The following SKI variants were observed in gnomAD, a reference collection of about 807,000 sequenced individuals.
SKI encodes the protein SKI proto-oncogene.
In SKI, 23 loss-of-function variants were observed where a neutral mutation model predicts 59.3. The observed-to-expected ratio is 0.39, with a 90% CI of 0.28 to 0.55. The LOEUF (loss-of-function observed/expected upper bound fraction) is 0.55, where lower values mean the gene tolerates loss of function less well. Ranked by LOEUF, SKI falls within the 20% of genes least tolerant of loss-of-function variation. The probability of loss-of-function intolerance (pLI) is 0.67; values close to 1 mark genes in which losing one functional copy is unlikely to be tolerated. For missense variants in SKI, 1,017 were observed against 1,038.9 expected (o/e 0.98, Z 0.29); for synonymous variants, 673 against 488.6 (o/e 1.38, Z -4.98).
rs1438842119 is a variant in SKI at position 2,228,476 on chromosome 1, G to C, written c.-291G>C. ...ATGCCCCGCGCCTAGAGCCCGGGGGGCGCGCGGGGGACGCGCGGGGGGCCC... is the reference window on the plus strand; with the variant it reads ...ATGCCCCGCGCCTAGAGCCCGGGGGCCGCGCGGGGGACGCGCGGGGGGCCC... On this transcript the variant is annotated 5_prime_UTR_variant, in exon 1 of 7. Coordinates refer to ENST00000378536, the MANE Select transcript of SKI (RefSeq NM_003036.4). Among the ~76,000 whole-genome samples the C allele has an allele frequency of 7.0e-6, 1 of 142,720 alleles. No individual in the cohort carries two copies. Among genetic ancestry groups the C allele is most frequent in the African/African-American group, 2.5e-5 (1 of 39,842 alleles). 93.6% of individuals were successfully genotyped at this position (142,720 alleles called of 152,430 possible).
intron 1 of SKI, among the ~76,000 whole-genome samples, chr1:2,230,987 G>A (rs1638623757): frequency 6.6e-6 from 1 of 152,130 alleles, no homozygotes; most frequent in Middle Eastern, 3.2e-3. Context: ...GTGTGTGTTT[G>A]TGTGTGCGCG....
At position 2,257,984 on chromosome 1, in the gene SKI, C is replaced by T. The variant is rs183179681; in HGVS notation, c.969+28249C>T. ...AACTCCCGACCTCAGGTGATCTGCCCGCCTCAGCCTCCCAAAGTGCTGGGA... is the reference window on the plus strand; with the variant it reads ...AACTCCCGACCTCAGGTGATCTGCCTGCCTCAGCCTCCCAAAGTGCTGGGA... On this transcript the variant is annotated intron_variant, in intron 1 of 6. Transcript: ENST00000378536. 1.6e-3 allele frequency among the ~76,000 whole-genome samples: 244 copies of T among 152,214 alleles called. 1 individual carries two copies. Among genetic ancestry groups the T allele is most frequent in the East Asian group, 9.3e-3 (48 of 5,174 alleles).
At chr1:2,243,682 T>G (rs933527015) in intron 1 of SKI, among the ~76,000 whole-genome samples, 2 of 152,214 alleles carry the variant, frequency 1.3e-5, no homozygotes, top group African/African-American at 4.8e-5. Context: ...GTCATCGGTC[T>G]TGTTGGCTGT....
chr1:2,264,687 C>T lies in SKI; in HGVS notation c.969+34952C>T, dbSNP rs1049315844. The stretch of plus-strand genomic sequence containing the variant: ...AGTGCTGAGATTACACAGGCATGAG[C>T]CACCGTGCCTGGCCCCAATTTTCAG... On this transcript the variant is annotated intron_variant, in intron 1 of 6. Transcript: ENST00000378536. Among the ~76,000 whole-genome samples, 4 of 152,160 alleles carry T rather than the reference C, an allele frequency of 2.6e-5. No homozygotes were observed. In the East Asian group the frequency reaches 7.7e-4, roughly 29 times the overall value.
chr1:2,243,719 C>G (rs773801108), intron 1 of SKI, among the ~76,000 whole-genome samples: 1 of 152,124 alleles, frequency 6.6e-6, no homozygotes, highest in Non-Finnish European at 1.5e-5. Context: ...GCATGGGATG[C>G]TAGGGGTGTG....
Position 2,228,874 on chromosome 1 carries a change from C to A in SKI, c.108C>A (p.Ala36=). Residue 36 remains alanine, a synonymous_variant, in exon 1 of 7, where the codon GCC becomes GCA. Transcript: ENST00000378536. ...LSSMSSLGGP[A]AFSARWAQEA... ...CCATGAGCTCGCTGGGCGGCCCGGC[C>A]GCTTTCTCGGCGCGCTGGGCGCAGG... 7.0e-7 allele frequency: 1 copy of A among 1,430,506 alleles called. No individual in the cohort carries two copies. The highest frequency in any genetic ancestry group is 1.3e-5 in the South Asian group (1 of 77,022). 88.6% of individuals were successfully genotyped at this position (1,430,506 alleles called of 1,614,324 possible). A position where few individuals can be genotyped will look rare whatever the true frequency, so the allele number is the denominator to read the frequency against.
chr1:2,285,198 G>GATCC (rs931145147), intron 1 of SKI, among the ~76,000 whole-genome samples: 2 of 152,068 alleles, frequency 1.3e-5, no homozygotes, highest in Admixed American at 1.3e-4. Context: ...CATGCATTTG[G>GATCC]AAGGTGTTAA....
intron 6 of SKI, 104 bp from the exon 7 acceptor site, chr1:2,306,473 T>A (rs1415996365): frequency 1.6e-6 from 2 of 1,252,408 alleles, no homozygotes; most frequent in African/African-American, 1.5e-5. Context: ...CACGCGGCAC[T>A]GGGGAGGGAC....
At chr1:2,273,136 G>C (rs930119242) in intron 1 of SKI, among the ~76,000 whole-genome samples, 1 of 152,350 alleles carries the variant, frequency 6.6e-6, no homozygotes, top group East Asian at 1.9e-4. Context: ...GACCAAGGGG[G>C]TGTTTTCGGC....
Position 2,309,075 on chromosome 1 carries a change from G to A in SKI, c.*2310G>A, listed in dbSNP as rs1640676702. 6.6e-6 allele frequency: 1 copy of A among 152,310 alleles called. No homozygotes were observed. Among genetic ancestry groups the A allele is most frequent in the Admixed American group, 6.5e-5 (1 of 15,280 alleles). The allele number at this position is 152,310 out of a possible 1,614,324, so 9.4% of individuals were successfully genotyped here. A position where few individuals can be genotyped will look rare whatever the true frequency, so the allele number is the denominator to read the frequency against. Reference sequence around the variant, plus strand: ...CTCCCAGGCAGTTCCCACAGCTCTTGCCTCGGCTCACCAGGGTCACTTCCA... The same window carrying A: ...CTCCCAGGCAGTTCCCACAGCTCTTACCTCGGCTCACCAGGGTCACTTCCA... On this transcript the variant is annotated 3_prime_UTR_variant, in exon 7 of 7. Transcript: ENST00000378536.
chr1:2,290,605 G>A (rs1015933257), intron 1 of SKI, among the ~76,000 whole-genome samples: 9 of 152,180 alleles, frequency 5.9e-5, no homozygotes, highest in African/African-American at 1.2e-4. Flanking sequence ...GTGCGCTGCC[G>A]TGTGTCTGGG....
rs916432666 is a variant in SKI, at chr1:2,270,588, C to T, written c.970-32390C>T. ...GGAAACAAGCTGCCGGCTGAGGAGG[C>T]CGCACTCCCCGTGCCTCCCGGGCAG... On this transcript the variant is annotated intron_variant, in intron 1 of 6. Transcript: ENST00000378536. The surrounding 1 kb of genome is among the most constrained non-coding windows in gnomAD (Gnocchi z 4.1). Among the ~76,000 whole-genome samples, 2 of 152,198 alleles carry T rather than the reference C, an allele frequency of 1.3e-5. No homozygotes were observed. The highest frequency in any genetic ancestry group is 4.8e-5 in the African/African-American group (2 of 41,458).
chr1:2,246,477 G>C (rs971006689), intron 1 of SKI, among the ~76,000 whole-genome samples: 2 of 152,090 alleles, frequency 1.3e-5, no homozygotes, highest in Non-Finnish European at 2.9e-5. Context: ...CACCGTGGTC[G>C]GATCCTGCCT....
rs1639572475 is a variant in SKI at position 2,269,580 on chromosome 1, C to T, written c.970-33398C>T. ...TCAGGTGTGGTGAGGAGCTTTGCTGCCCTGGAGCGTCGCTTTGTGGGCAGA... is the reference window on the plus strand; with the variant it reads ...TCAGGTGTGGTGAGGAGCTTTGCTGTCCTGGAGCGTCGCTTTGTGGGCAGA... On this transcript the variant is annotated intron_variant, in intron 1 of 6. Coordinates refer to ENST00000378536, the MANE Select transcript of SKI (RefSeq NM_003036.4). This position sits in a 1 kb window ranked among gnomAD's most constrained non-coding sequence, Gnocchi z 4.7. Among the ~76,000 whole-genome samples the T allele has an allele frequency of 6.6e-6, 1 of 152,262 alleles. No individual in the cohort carries two copies. Among genetic ancestry groups the T allele is most frequent in the Non-Finnish European group, 1.5e-5 (1 of 68,048 alleles).
At chr1:2,277,541 G>A (rs183572425) in intron 1 of SKI, among the ~76,000 whole-genome samples, 4 of 152,306 alleles carry the variant, frequency 2.6e-5, no homozygotes, top group African/African-American at 9.6e-5. Flanking sequence ...TGATTCTGAG[G>A]CTTCCCCAGC....
Position 2,307,696 on chromosome 1 carries a change from CTTTT to C in SKI, c.*937_*940del, listed in dbSNP as rs373398657. 4.6e-5 allele frequency: 7 copies of C among 152,140 alleles called. No homozygotes were observed. The highest frequency in any genetic ancestry group is 7.4e-5 in the Non-Finnish European group (5 of 67,866). 9.4% of individuals were successfully genotyped at this position (152,140 alleles called of 1,614,324 possible). On this transcript the variant is annotated 3_prime_UTR_variant, in exon 7 of 7. Transcript: ENST00000378536. ...AAGAGCATTATTTCAATTTTTCTTT[CTTTT>C]TTTTTGTTCGTTCATTTAAACGTAT...
chr1:2,229,803 G>A lies in SKI; in HGVS notation c.969+68G>A, dbSNP rs1638591066. On this transcript the variant is annotated intron_variant, in intron 1 of 6. Transcript: ENST00000378536. This position sits in a 1 kb window ranked among gnomAD's most constrained non-coding sequence, Gnocchi z 6.3. ...GGTGGGGGCCCCTTCTGGACTACAGGCTCTGGTCTCCGAAGGCTGGGACCT... is the reference window on the plus strand; with the variant it reads ...GGTGGGGGCCCCTTCTGGACTACAGACTCTGGTCTCCGAAGGCTGGGACCT... 1.9e-6 allele frequency: 3 copies of A among 1,548,126 alleles called. No individual in the cohort carries two copies. The highest frequency in any genetic ancestry group is 2.6e-6 in the Non-Finnish European group (3 of 1,146,066).
chr1:2,302,876 G>A (rs1034557850), intron 1 of SKI, 102 bp from the exon 2 acceptor site: 56 of 1,484,984 alleles, frequency 3.8e-5, no homozygotes, highest in African/African-American at 9.7e-5. Context: ...GTTTGTGGCC[G>A]GAGTGCATGG....
intron 1 of SKI, among the ~76,000 whole-genome samples, chr1:2,255,435 C>G (rs1464802587): frequency 1.3e-5 from 2 of 152,190 alleles, no homozygotes; most frequent in African/African-American, 4.8e-5. Context: ...ACTTCATTTC[C>G]TGTCTGGAGC....
Sources: allele counts gnomAD v4.1 joint callset (sites outside exome capture counted in the v4.1 genomes callset), GRCh38; gene constraint gnomAD v4.1.1; non-coding constraint Gnocchi (gnomAD v3.1); transcripts MANE v1.5; gene names NCBI Gene and HGNC (gene_info 2026-07-23, HGNC 2026-07-21).